ARHGEF10: variants seen among roughly 807,000 people sequenced by gnomAD.
ARHGEF10 encodes Rho guanine nucleotide exchange factor 10, also known as Rho guanine nucleotide exchange factor (GEF) 10.
In ARHGEF10, 140 loss-of-function variants were observed where a neutral mutation model predicts 147.4. That is an observed-to-expected ratio of 0.95 (90% CI 0.83 to 1.09). The LOEUF (loss-of-function observed/expected upper bound fraction) is 1.09, where lower values mean the gene tolerates loss of function less well. Among genes scored for constraint, ARHGEF10 ranks in the 50% least tolerant of loss-of-function variants. The probability of loss-of-function intolerance (pLI) is 0.00; values close to 1 mark genes in which losing one functional copy is unlikely to be tolerated. For synonymous variants in ARHGEF10, 902 were observed against 695.8 expected, an observed-to-expected ratio of 1.30 and a Z score of -4.67; for missense variants, 2,222 against 1,752.7, an observed-to-expected ratio of 1.27 and a Z score of -4.78.
At chr8:1,909,157 A>C in intron 17 of ARHGEF10, 138 bp from the exon 18 acceptor site, 1 of 1,272,282 alleles carries the variant, frequency 7.9e-7, no homozygotes, top group Non-Finnish European at 1.1e-6. Context: ...AGTCAGAAGC[A>C]CAATTACTAT....
chr8:1,857,924 ATCTC>A (rs758971170), intron 2 of ARHGEF10, 32 bp from the exon 3 acceptor site: 14 of 1,462,048 alleles, frequency 9.6e-6, no homozygotes, highest in Middle Eastern at 1.8e-4. Context: ...CTATCTATCT[ATCTC>A]TCCTTGATGT....
chr8:1,916,756 T>C (rs1265921387), intron 18 of ARHGEF10, among the ~76,000 whole-genome samples: 2 of 152,188 alleles, frequency 1.3e-5, no homozygotes, highest in African/African-American at 4.8e-5. Context: ...ATGATGCTGT[T>C]TAAAAATTAC....
chr8:1,892,277 CTGTGTGTGTGTGTGTGTGTGTGTG>C (rs66526026), intron 11 of ARHGEF10, among the ~76,000 whole-genome samples: 11 of 126,600 alleles, frequency 8.7e-5, no homozygotes, highest in African/African-American at 2.6e-4. Context: ...GCTTCTGGCT[CTGTGTGTGTGTGTGTGTGTGTGTG>C]TGTGTGTGTG....
intron 18 of ARHGEF10, among the ~76,000 whole-genome samples, chr8:1,909,764 T>C (rs1811220637): frequency 6.6e-6 from 1 of 152,208 alleles, no homozygotes; most frequent in Non-Finnish European, 1.5e-5. Flanking sequence ...CAGTTTTGCG[T>C]TTCCAGTTAA....
At chr8:1,826,000 G>A (rs118182537) in intron 1 of ARHGEF10, 157 of 894,590 alleles carry the variant, frequency 1.8e-4, no homozygotes, top group East Asian at 1.7e-3. Flanking sequence ...AGGTTTACAC[G>A]TCATGTATTT....
rs1023975204 is a variant in ARHGEF10, at chr8:1,956,844, G to C, written c.3616G>C (p.Asp1206His). Residue 1206 changes from aspartate to histidine, a missense_variant, in exon 29 of 29, where the codon GAC (aspartate) becomes CAC (histidine). Physicochemically the swap from Asp to His is moderately conservative, Grantham distance 81. Coordinates refer to ENST00000349830, the MANE Select transcript of ARHGEF10 (RefSeq NM_014629.4). ...LHEKDKDKSR[D>H]SLAPGPEPQD... ...CGAGAAAGACAAGGACAAATCCAGG[G>C]ACAGCCTGGCTCCTGGCCCCGAGCC... The C allele has an allele frequency of 6.2e-7, 1 of 1,614,052 alleles. No homozygotes were observed.
chr8:1,877,229 T>C (rs1023597286), intron 8 of ARHGEF10, among the ~76,000 whole-genome samples: 1 of 152,152 alleles, frequency 6.6e-6, no homozygotes, highest in Non-Finnish European at 1.5e-5. Context: ...CCTTTCTTTT[T>C]TCTTTTTCTT....
Position 1,882,724 on chromosome 8 carries a change from C to G in ARHGEF10, c.1050C>G (p.Ile350Met). The G allele has an allele frequency of 6.4e-7, 1 of 1,554,430 alleles. No homozygotes were observed. Among genetic ancestry groups the G allele is most frequent in the East Asian group, 2.4e-5 (1 of 41,364 alleles). ...CCGTGAAGAGGGGCCGCTCCTTCATCAGGACCAAGTCTCTCATCGCACAGG... is the reference window on the plus strand; with the variant it reads ...CCGTGAAGAGGGGCCGCTCCTTCATGAGGACCAAGTCTCTCATCGCACAGG... ...RAAVKRGRSF[I>M]RTKSLIAQDH... The change falls in exon 10 of 29, where the codon ATC becomes ATG. Residue 350 changes from isoleucine to methionine, a missense_variant. Physicochemically the swap from Ile to Met is conservative, Grantham distance 10 (BLOSUM62 1). Coordinates refer to ENST00000349830, the MANE Select transcript of ARHGEF10 (RefSeq NM_014629.4).
intron 18 of ARHGEF10, among the ~76,000 whole-genome samples, chr8:1,913,451 A>G (rs760130794): frequency 7.9e-5 from 12 of 152,372 alleles, no homozygotes; most frequent in Non-Finnish European, 1.3e-4. Flanking sequence ...TACTTTTGTA[A>G]AAATCAGTCA....
At chr8:1,866,477 A>G in intron 5 of ARHGEF10, 49 bp from the exon 6 acceptor site, 1 of 1,569,146 alleles carries the variant, frequency 6.4e-7, no homozygotes, top group South Asian at 1.1e-5. Flanking sequence ...CATCCTAGTG[A>G]CTTGGGCTGT....
chr8:1,860,941 C>G (rs1444648275), intron 4 of ARHGEF10, among the ~76,000 whole-genome samples: 2 of 152,166 alleles, frequency 1.3e-5, no homozygotes, highest in Non-Finnish European at 2.9e-5. Flanking sequence ...CATGCTTTTC[C>G]TCGCCGGGAA....
chr8:1,952,735 T>A lies in ARHGEF10; in HGVS notation c.3428T>A (p.Leu1143His). ...CAGCGGCTGTCGGTGACGAGCCTGC[T>A]CGTCTGCCACGGATTGCTGATGGTC... ...GHQRLSVTSLLVCHGLLMVGT... is the reference protein window; with the variant it reads ...GHQRLSVTSLHVCHGLLMVGT... Residue 1143 changes from leucine to histidine, a missense_variant, in exon 28 of 29, where the codon CTC becomes CAC. By Grantham distance (99) the Leu-to-His change is moderately conservative. Transcript: ENST00000349830. 3.1e-6 allele frequency: 5 copies of A among 1,613,314 alleles called. No homozygotes were observed. The highest frequency in any genetic ancestry group is 3.4e-6 in the Non-Finnish European group (4 of 1,180,008).
intron 12 of ARHGEF10, 95 bp downstream of exon 12, chr8:1,893,741 TG>T: frequency 4.8e-6 from 5 of 1,052,038 alleles, no homozygotes; most frequent in South Asian, 1.3e-5. Flanking sequence ...TATATGTTTA[TG>T]AAACATAACA....
intron 22 of ARHGEF10, 141 bp downstream of exon 22, chr8:1,925,545 A>G (rs1382028953): frequency 8.3e-7 from 1 of 1,207,582 alleles, no homozygotes; most frequent in Non-Finnish European, 1.1e-6. Flanking sequence ...TCTAGAGGTC[A>G]TTTATCTGGA....
intron 4 of ARHGEF10, 71 bp from the exon 5 acceptor site, chr8:1,864,302 G>A: frequency 6.8e-7 from 1 of 1,468,648 alleles, no homozygotes; most frequent in Non-Finnish European, 9.5e-7. Flanking sequence ...CATTTTTAAG[G>A]GTAAAAACAT....
intron 3 of ARHGEF10, 91 bp downstream of exon 3, chr8:1,858,206 T>TGAGTC (rs1563187108): frequency 5.9e-6 from 6 of 1,024,056 alleles, no homozygotes; most frequent in Admixed American, 6.7e-5. Context: ...CCAGGTGAGT[T>TGAGTC]CCCAGGTGAG....
chr8:1,857,337 C>G (rs542977845), intron 2 of ARHGEF10, among the ~76,000 whole-genome samples: 4 of 152,168 alleles, frequency 2.6e-5, no homozygotes, highest in African/African-American at 7.2e-5. Flanking sequence ...ACCATCAGCC[C>G]AGCCGGGTGA....
rs984263703 is a variant in ARHGEF10, at chr8:1,945,770, A to T, written c.3397+115A>T. 21 of 1,457,310 alleles carry T rather than the reference A, an allele frequency of 1.4e-5. No individual in the cohort carries two copies. In the Admixed American group the frequency reaches 2.2e-4, roughly 15 times the overall value. The allele number at this position is 1,457,310 out of a possible 1,614,324, so 90.3% of individuals were successfully genotyped here. A position where few individuals can be genotyped will look rare whatever the true frequency, so the allele number is the denominator to read the frequency against. On this transcript the variant is annotated intron_variant, in intron 27 of 28. Coordinates refer to ENST00000349830, the MANE Select transcript of ARHGEF10 (RefSeq NM_014629.4). The stretch of plus-strand genomic sequence containing the variant: ...CCCAGTGCAGGACACTGTTCACAAC[A>T]TGCTGCCAGGTAATGGGGTGGGACA...
chr8:1,866,296 C>T (rs376504659), intron 5 of ARHGEF10, among the ~76,000 whole-genome samples: 5 of 152,252 alleles, frequency 3.3e-5, no homozygotes, highest in Middle Eastern at 3.4e-3. Flanking sequence ...CTGTGCCGTG[C>T]GTAGGCCAAA....
Sources: allele counts gnomAD v4.1 joint callset (sites outside exome capture counted in the v4.1 genomes callset), GRCh38; gene constraint gnomAD v4.1.1; transcripts MANE v1.5; gene names NCBI Gene and HGNC (gene_info 2026-07-23, HGNC 2026-07-21).